Variants in RBFOX1 observed in about 807,000 individuals in gnomAD.
RBFOX1 encodes the protein RNA binding protein fox-1 homolog 1.
A neutral mutation model predicts 57.7 loss-of-function variants in RBFOX1; 8 were observed. The ratio of observed to expected loss-of-function variants is 0.14; its 90% CI spans 0.08 to 0.25. The LOEUF (loss-of-function observed/expected upper bound fraction) is 0.25. Among genes scored for constraint, RBFOX1 ranks in the 10% least tolerant of loss-of-function variants. RBFOX1 has a pLI of 1.00. For synonymous variants in RBFOX1, 326 were observed against 222.4 expected, an observed-to-expected ratio of 1.47 and a Z score of -4.15; for missense variants, 611 against 548.5, an observed-to-expected ratio of 1.11 and a Z score of -1.14.
chr16:5,972,158 A>G (rs1192651146), intron 4 of RBFOX1, among the ~76,000 whole-genome samples: 3 of 152,164 alleles, frequency 2.0e-5, no homozygotes, highest in Non-Finnish European at 4.4e-5. Context: ...GGTCTCCATA[A>G]TTGTGTGAGC....
At chr16:5,409,857 G>A (rs2066967956) in intron 1 of RBFOX1, among the ~76,000 whole-genome samples, 1 of 152,034 alleles carries the variant, frequency 6.6e-6, no homozygotes, top group African/African-American at 2.4e-5. Context: ...AGACCAGCTT[G>A]GCCAACATGG....
chr16:7,178,241 G>T (rs543329882), intron 4 of RBFOX1, among the ~76,000 whole-genome samples: 1 of 152,344 alleles, frequency 6.6e-6, no homozygotes, highest in South Asian at 2.1e-4. Flanking sequence ...GATTCAATTT[G>T]TCAGAGGCAC....
intron 3 of RBFOX1, among the ~76,000 whole-genome samples, chr16:6,872,845 A>G (rs1238365583): frequency 6.6e-6 from 1 of 152,222 alleles, no homozygotes; most frequent in African/African-American, 2.4e-5. Context: ...AAAAGAGTTA[A>G]CAGAATATAA....
At chr16:5,240,665 G>A (rs957167334) in intron 1 of RBFOX1, among the ~76,000 whole-genome samples, 61 of 152,230 alleles carry the variant, frequency 4.0e-4, no homozygotes, top group African/African-American at 1.3e-3. Flanking sequence ...CCCAGAAATC[G>A]CTCTCCTCTT....
At chr16:6,783,911 T>C (rs747839232) in intron 3 of RBFOX1, among the ~76,000 whole-genome samples, 2 of 152,178 alleles carry the variant, frequency 1.3e-5, no homozygotes, top group African/African-American at 2.4e-5. Context: ...ATGCTGAATA[T>C]AATGTTCTAG....
At chr16:5,809,399 G>T (rs1212273849) in intron 3 of RBFOX1, among the ~76,000 whole-genome samples, 2 of 151,302 alleles carry the variant, frequency 1.3e-5, no homozygotes, top group African/African-American at 4.9e-5. Flanking sequence ...CTACACAATG[G>T]GAGAAAATTT....
intron 4 of RBFOX1, among the ~76,000 whole-genome samples, chr16:7,495,136 A>G (rs2151654697): frequency 6.6e-6 from 1 of 152,324 alleles, no homozygotes; most frequent in Non-Finnish European, 1.5e-5. Context: ...ATGTTGCTGC[A>G]AAGACATGAT....
At chr16:5,294,744 A>G (rs1413312129) in intron 1 of RBFOX1, among the ~76,000 whole-genome samples, 1 of 152,166 alleles carries the variant, frequency 6.6e-6, no homozygotes, top group Admixed American at 6.5e-5. Context: ...GGCATAAAAA[A>G]GACAGGCCAG....
intron 1 of RBFOX1, among the ~76,000 whole-genome samples, chr16:6,121,384 C>T (rs138013177): frequency 0.015 from 2,357 of 152,268 alleles, 67 homozygotes; most frequent in African/African-American, 0.053. Flanking sequence ...GCTGAGTGTG[C>T]TGTGGACCAC....
intron 3 of RBFOX1, among the ~76,000 whole-genome samples, chr16:6,801,171 T>C (rs1165927273): frequency 7.0e-6 from 1 of 143,588 alleles, no homozygotes; most frequent in African/African-American, 2.6e-5. Context: ...GAACACACTG[T>C]GAATGGCAAG....
intron 4 of RBFOX1, among the ~76,000 whole-genome samples, chr16:5,956,663 TATATATATA>T (rs1171652238): frequency 1.9e-4 from 9 of 47,774 alleles, no homozygotes; most frequent in African/African-American, 9.4e-4. Flanking sequence ...TATATTTATA[TATATATATA>T]TATATATTTT....
At chr16:7,096,098 A>G (rs1045074108) in intron 4 of RBFOX1, among the ~76,000 whole-genome samples, 1 of 152,152 alleles carries the variant, frequency 6.6e-6, no homozygotes, top group African/African-American at 2.4e-5. Context: ...CTAAGTTCTG[A>G]CGACCCAGGA....
At chr16:6,183,352 C>G (rs1037356583) in intron 1 of RBFOX1, among the ~76,000 whole-genome samples, 13 of 151,842 alleles carry the variant, frequency 8.6e-5, no homozygotes, top group Non-Finnish European at 1.6e-4. Context: ...CGGTGCCATA[C>G]TCCTGTAATC....
In RBFOX1 at chr16:6,740,862, A is replaced by G. The variant is rs1189333299; in HGVS notation, c.-16+86212A>G. On this transcript the variant is annotated intron_variant, in intron 3 of 15. Coordinates refer to ENST00000550418, the MANE Select transcript of RBFOX1 (RefSeq NM_018723.4). ...GCAGAGTTTTTAAAAATAAATATAG[A>G]CAAGATTATCTCAAAATTTGAATAG... is the stretch of plus-strand genomic sequence containing the variant. 3.9e-5 allele frequency among the ~76,000 whole-genome samples: 6 copies of G among 152,206 alleles called. No individual in the cohort carries two copies. In the East Asian group the frequency reaches 1.2e-3, roughly 29 times the overall value.
chr16:7,167,503 G>A (rs1319939167), intron 4 of RBFOX1, among the ~76,000 whole-genome samples: 2 of 152,140 alleles, frequency 1.3e-5, no homozygotes, highest in African/African-American at 4.8e-5. Context: ...ACCAGAAACT[G>A]GAAGGAACAA....
chr16:5,708,096 G>A (rs563999476), intron 3 of RBFOX1, among the ~76,000 whole-genome samples: 7 of 152,112 alleles, frequency 4.6e-5, no homozygotes, highest in East Asian at 1.9e-4. Flanking sequence ...CGCTTGTTTC[G>A]TGGGCTCTTC....
chr16:6,597,957 C>A (rs75881426), intron 2 of RBFOX1, among the ~76,000 whole-genome samples: 3,684 of 152,256 alleles, frequency 0.024, 159 homozygotes, highest in African/African-American at 0.083. Flanking sequence ...GAACTTTGGT[C>A]CTTAATAACA....
intron 3 of RBFOX1, among the ~76,000 whole-genome samples, chr16:5,630,612 A>G (rs2048477309): frequency 6.6e-6 from 1 of 152,162 alleles, no homozygotes; most frequent in African/African-American, 2.4e-5. Context: ...CTTGATGGAA[A>G]GGACTGAAGT....
rs59934126 is a variant in RBFOX1 at position 7,394,235 on chromosome 16, C to CAAAA, written c.28-123886_28-123883dup. ...TGGGCAACAGAGCAAGACTCCGCAT[C>CAAAA]AAAAAAAAAAAAAAAAAAAAAAAAA... On this transcript the variant is annotated intron_variant, in intron 4 of 15. Transcript: ENST00000550418. Among the ~76,000 whole-genome samples the CAAAA allele has an allele frequency of 3.9e-3, 214 of 55,020 alleles. 2 individuals are homozygous for CAAAA. Among genetic ancestry groups the CAAAA allele is most frequent in the Middle Eastern group, 0.022 (1 of 46 alleles). The allele number at this position is 55,020 out of a possible 152,430, so 36.1% of individuals were successfully genotyped here.
Sources: allele counts gnomAD v4.1 joint callset (sites outside exome capture counted in the v4.1 genomes callset), GRCh38; gene constraint gnomAD v4.1.1; transcripts MANE v1.5; gene names NCBI Gene and HGNC (gene_info 2026-07-23, HGNC 2026-07-21).